The following PRKCA variants were observed in gnomAD, a reference collection of about 807,000 sequenced individuals.
PRKCA encodes the protein protein kinase C alpha, also known as protein kinase C alpha type.
PRKCA carries 27 observed loss-of-function variants against 87.0 expected under a neutral mutation model. The ratio of observed to expected loss-of-function variants is 0.31; its 90% CI spans 0.23 to 0.43. The LOEUF is 0.43. Among genes scored for constraint, PRKCA ranks in the 20% least tolerant of loss-of-function variants. The pLI is 1.00. For synonymous variants in PRKCA, 329 were observed against 311.1 expected, an observed-to-expected ratio of 1.06 and a Z score of -0.61; for missense variants, 518 against 852.3, an observed-to-expected ratio of 0.61 and a Z score of 4.88.
intron 2 of PRKCA, among the ~76,000 whole-genome samples, chr17:66,380,731 A>C (rs1909730855): frequency 6.6e-6 from 1 of 152,104 alleles, no homozygotes; most frequent in Non-Finnish European, 1.5e-5. Context: ...TAATTACTTA[A>C]ATTCAGAAAA....
intron 2 of PRKCA, among the ~76,000 whole-genome samples, chr17:66,366,814 G>A (rs533815493): frequency 6.6e-6 from 1 of 152,302 alleles, no homozygotes; most frequent in African/African-American, 2.4e-5. Flanking sequence ...GACTCAATAT[G>A]ATTTAAGTTA....
At chr17:66,619,263 C>T (rs774485909) in intron 3 of PRKCA, among the ~76,000 whole-genome samples, 74 of 152,196 alleles carry the variant, frequency 4.9e-4, no homozygotes, top group Non-Finnish European at 9.7e-4. Context: ...GAGTCCCTCT[C>T]CTCACTCTCT....
At chr17:66,347,555 C>T (rs1172918579) in intron 2 of PRKCA, among the ~76,000 whole-genome samples, 5 of 152,020 alleles carry the variant, frequency 3.3e-5, no homozygotes, top group East Asian at 3.9e-4. Context: ...TTGGTGTGAC[C>T]GCATTCTTTA....
intron 2 of PRKCA, among the ~76,000 whole-genome samples, chr17:66,465,523 C>T (rs954197898): frequency 2.0e-5 from 3 of 151,882 alleles, no homozygotes; most frequent in Non-Finnish European, 4.4e-5. Context: ...TCCTGAGTAG[C>T]TGGGACTAAA....
chr17:66,580,941 G>A (rs772948385), intron 3 of PRKCA, among the ~76,000 whole-genome samples: 2 of 151,176 alleles, frequency 1.3e-5, no homozygotes, highest in East Asian at 2.0e-4. Flanking sequence ...CCCCCCCCAT[G>A]CTCGATTTAT....
chr17:66,737,665 G>T (rs1974067916), intron 10 of PRKCA, among the ~76,000 whole-genome samples: 1 of 152,210 alleles, frequency 6.6e-6, no homozygotes, highest in Non-Finnish European at 1.5e-5. Context: ...TCAGGCGCCG[G>T]CCACTACGTG....
chr17:66,732,536 T>C (rs536726616), intron 8 of PRKCA, 152 bp from the exon 9 acceptor site: 2 of 918,266 alleles, frequency 2.2e-6, no homozygotes, highest in African/African-American at 1.7e-5. Context: ...GCTGCTGATA[T>C]CTGAACAGGT....
At position 66,605,796 on chromosome 17, in the gene PRKCA, A is replaced by C. The variant is rs73993955; in HGVS notation, c.289-35559A>C. On this transcript the variant is annotated intron_variant, in intron 3 of 16. Transcript: ENST00000413366. ...GCTGCAACATAGATGGACCTCAGAG[A>C]CATCCTGCTCCGTAAAAGAAGCCAG... 2.2e-3 allele frequency among the ~76,000 whole-genome samples: 329 copies of C among 152,340 alleles called. 1 individual carries two copies. The highest frequency in any genetic ancestry group is 7.6e-3 in the African/African-American group (315 of 41,572).
intron 2 of PRKCA, among the ~76,000 whole-genome samples, chr17:66,455,147 T>G (rs540870460): frequency 6.6e-6 from 1 of 152,338 alleles, no homozygotes; most frequent in South Asian, 2.1e-4. Flanking sequence ...CTGCTTGTAT[T>G]CAACTTGTGC....
chr17:66,622,712 C>G (rs950159876), intron 3 of PRKCA, among the ~76,000 whole-genome samples: 2 of 152,204 alleles, frequency 1.3e-5, no homozygotes, highest in African/African-American at 4.8e-5. Context: ...TTCCATGTGG[C>G]TGGGGAGGCC....
chr17:66,393,152 G>A (rs531943017), intron 2 of PRKCA, among the ~76,000 whole-genome samples: 1 of 152,198 alleles, frequency 6.6e-6, no homozygotes, highest in South Asian at 2.1e-4. Context: ...TGGTGGGGAG[G>A]GGGAAGCTTA....
chr17:66,560,183 G>T (rs1244830838), intron 3 of PRKCA, among the ~76,000 whole-genome samples: 1 of 152,124 alleles, frequency 6.6e-6, no homozygotes, highest in South Asian at 2.1e-4. Flanking sequence ...CCAGAGGCTT[G>T]AGGAGGGCAG....
chr17:66,523,426 C>T (rs1037754300), intron 3 of PRKCA, among the ~76,000 whole-genome samples: 7 of 152,174 alleles, frequency 4.6e-5, no homozygotes, highest in African/African-American at 7.2e-5. Context: ...TTAACCTCTC[C>T]AGACCACAGT....
intron 2 of PRKCA, among the ~76,000 whole-genome samples, chr17:66,371,365 C>A (rs1909095601): frequency 6.6e-6 from 1 of 152,142 alleles, no homozygotes; most frequent in Non-Finnish European, 1.5e-5. Context: ...TGTGAAATGA[C>A]CATTCTGAAG....
At chr17:66,571,557 T>C (rs1162932462) in intron 3 of PRKCA, among the ~76,000 whole-genome samples, 2 of 152,156 alleles carry the variant, frequency 1.3e-5, no homozygotes, top group African/African-American at 2.4e-5. Context: ...TCAGAAGAAA[T>C]ACTGTATACT....
intron 3 of PRKCA, among the ~76,000 whole-genome samples, chr17:66,537,179 A>C (rs1432144980): frequency 6.6e-6 from 1 of 152,114 alleles, no homozygotes; most frequent in Non-Finnish European, 1.5e-5. Context: ...GAGGAAAACC[A>C]CGGTATTTCA....
At chr17:66,408,150 C>G (rs1457554400) in intron 2 of PRKCA, among the ~76,000 whole-genome samples, 1 of 152,140 alleles carries the variant, frequency 6.6e-6, no homozygotes, top group Non-Finnish European at 1.5e-5. Flanking sequence ...GGAAAAGATG[C>G]TGTAATCAAA....
At chr17:66,391,163 G>A (rs918333109) in intron 2 of PRKCA, among the ~76,000 whole-genome samples, 1 of 152,174 alleles carries the variant, frequency 6.6e-6, no homozygotes, top group Non-Finnish European at 1.5e-5. Flanking sequence ...AGAGCAGCGG[G>A]TGGGAGGAGA....
intron 3 of PRKCA, among the ~76,000 whole-genome samples, chr17:66,565,483 G>A (rs1489146323): frequency 6.6e-6 from 1 of 152,208 alleles, no homozygotes; most frequent in African/African-American, 2.4e-5. Flanking sequence ...AAGCCTGAAA[G>A]CAAAATATGA....
Sources: allele counts gnomAD v4.1 joint callset (sites outside exome capture counted in the v4.1 genomes callset), GRCh38; gene constraint gnomAD v4.1.1; transcripts MANE v1.5; gene names NCBI Gene and HGNC (gene_info 2026-07-23, HGNC 2026-07-21).